ARHGAP15: variants seen among roughly 807,000 people sequenced by gnomAD.
ARHGAP15 encodes Rho GTPase activating protein 15.
In ARHGAP15, 51 loss-of-function variants were observed where a neutral mutation model predicts 63.7. That is an observed-to-expected ratio of 0.80 (90% CI 0.64 to 1.01). The LOEUF (loss-of-function observed/expected upper bound fraction) is 1.01. Among genes scored for constraint, ARHGAP15 ranks in the 50% least tolerant of loss-of-function variants. The pLI is 0.00. For missense variants in ARHGAP15, 560 were observed against 564.6 expected (o/e 0.99, Z 0.08); for synonymous variants, 191 against 193.8 (o/e 0.99, Z 0.12).
chr2:143,656,892 A>G (rs1358142629), intron 12 of ARHGAP15, among the ~76,000 whole-genome samples: 1 of 148,928 alleles, frequency 6.7e-6, no homozygotes, highest in Admixed American at 6.7e-5. Flanking sequence ...TCTGACTTCT[A>G]TTTTGGACAG....
intron 13 of ARHGAP15, among the ~76,000 whole-genome samples, chr2:143,743,883 G>GAA (rs563889837): frequency 7.1e-6 from 1 of 139,960 alleles, no homozygotes; most frequent in Non-Finnish European, 1.6e-5. Flanking sequence ...CCTTCCAGAA[G>GAA]AAAAAAAAAA....
At chr2:143,334,249 C>CT (rs951727454) in intron 6 of ARHGAP15, among the ~76,000 whole-genome samples, 8 of 151,846 alleles carry the variant, frequency 5.3e-5, no homozygotes, top group African/African-American at 9.7e-5. Context: ...AATAAGAGTA[C>CT]TTTTTTTTGT....
At chr2:143,369,796 G>A (rs557796835) in intron 6 of ARHGAP15, among the ~76,000 whole-genome samples, 1 of 152,086 alleles carries the variant, frequency 6.6e-6, no homozygotes, top group Non-Finnish European at 1.5e-5. Flanking sequence ...AGAGAACGCA[G>A]TATTCTTTTT....
intron 8 of ARHGAP15, among the ~76,000 whole-genome samples, chr2:143,476,355 C>T (rs1691815007): frequency 6.6e-6 from 1 of 152,170 alleles, no homozygotes; most frequent in Non-Finnish European, 1.5e-5. Context: ...TGTAAGAGTA[C>T]TGTTTCAGTA....
At chr2:143,392,026 CAAA>C (rs199742100) in intron 6 of ARHGAP15, among the ~76,000 whole-genome samples, 141 of 150,514 alleles carry the variant, frequency 9.4e-4, no homozygotes, top group African/African-American at 3.3e-3. Flanking sequence ...CTGGCTTTGA[CAAA>C]AAAAACAAAA....
chr2:143,289,337 T>C (rs920272320), intron 6 of ARHGAP15, among the ~76,000 whole-genome samples: 1 of 152,210 alleles, frequency 6.6e-6, no homozygotes, highest in African/African-American at 2.4e-5. Flanking sequence ...AACAGTGCTT[T>C]TACTGTTAGA....
chr2:143,188,273 A>T (rs901754949), intron 2 of ARHGAP15, among the ~76,000 whole-genome samples: 1 of 151,964 alleles, frequency 6.6e-6, no homozygotes, highest in African/African-American at 2.4e-5. Context: ...AATTTTTCCA[A>T]CTATGTCAAT....
At chr2:143,630,076 G>C (rs1699003590) in intron 12 of ARHGAP15, among the ~76,000 whole-genome samples, 1 of 151,964 alleles carries the variant, frequency 6.6e-6, no homozygotes, top group African/African-American at 2.4e-5. Flanking sequence ...AAGACTACAA[G>C]CATTTTTTCT....
intron 6 of ARHGAP15, among the ~76,000 whole-genome samples, chr2:143,307,906 T>C (rs1683250993): frequency 2.0e-5 from 3 of 152,202 alleles, no homozygotes; most frequent in Admixed American, 6.5e-5. Context: ...TGGATTCTTA[T>C]ATTTGTTGAA....
At chr2:143,316,661 T>C (rs148892464) in intron 6 of ARHGAP15, among the ~76,000 whole-genome samples, 3 of 151,090 alleles carry the variant, frequency 2.0e-5, no homozygotes, top group Admixed American at 2.0e-4. Context: ...TGAGTCAAAG[T>C]CCTAATTCTG....
chr2:143,276,742 T>C (rs934889131), intron 6 of ARHGAP15, among the ~76,000 whole-genome samples: 1 of 152,098 alleles, frequency 6.6e-6, no homozygotes, highest in African/African-American at 2.4e-5. Context: ...AAGGCTACAG[T>C]GAGCAGCAGT....
chr2:143,257,137 C>T (rs1230487178), intron 6 of ARHGAP15, among the ~76,000 whole-genome samples: 1 of 152,040 alleles, frequency 6.6e-6, no homozygotes, highest in Non-Finnish European at 1.5e-5. Context: ...TGGGTGATCC[C>T]GTGAAACTCA....
chr2:143,390,426 A>C (rs1037476810), intron 6 of ARHGAP15, among the ~76,000 whole-genome samples: 3 of 152,160 alleles, frequency 2.0e-5, no homozygotes, highest in Non-Finnish European at 4.4e-5. Context: ...CTGTGCTAAC[A>C]GGCCTCACGG....
intron 2 of ARHGAP15, among the ~76,000 whole-genome samples, chr2:143,163,940 C>T (rs774474860): frequency 6.6e-6 from 1 of 152,030 alleles, no homozygotes; most frequent in Non-Finnish European, 1.5e-5. Context: ...TGCAGGAGAC[C>T]TCTTGCATGG....
chr2:143,576,647 T>C (rs1696692393), intron 11 of ARHGAP15, among the ~76,000 whole-genome samples: 1 of 152,050 alleles, frequency 6.6e-6, no homozygotes, highest in Non-Finnish European at 1.5e-5. Context: ...TTTAATGGAA[T>C]ACAGCAAAGA....
At chr2:143,248,347 CAG>C (rs763222459) in intron 5 of ARHGAP15, among the ~76,000 whole-genome samples, 2 of 152,170 alleles carry the variant, frequency 1.3e-5, no homozygotes, top group Non-Finnish European at 2.9e-5. Context: ...TCACGTTTAA[CAG>C]AGAAGGACAA....
At chr2:143,273,575 T>C (rs1213307240) in intron 6 of ARHGAP15, among the ~76,000 whole-genome samples, 2 of 152,160 alleles carry the variant, frequency 1.3e-5, no homozygotes, top group Non-Finnish European at 2.9e-5. Context: ...CACTTACTAG[T>C]TGGATGAAAT....
At chr2:143,489,063 A>G (rs966718806) in intron 9 of ARHGAP15, among the ~76,000 whole-genome samples, 1 of 152,214 alleles carries the variant, frequency 6.6e-6, no homozygotes, top group Non-Finnish European at 1.5e-5. Context: ...GTTAACTGCC[A>G]TCTTGAAAAA....
chr2:143,210,041 A>G (rs1193606735), intron 3 of ARHGAP15, among the ~76,000 whole-genome samples: 1 of 152,214 alleles, frequency 6.6e-6, no homozygotes, highest in Non-Finnish European at 1.5e-5. Flanking sequence ...AAATTAAGTT[A>G]TAACGCAGAA....
Sources: gnomAD v4.1 joint callset for allele counts (sites outside exome capture counted in the v4.1 genomes callset) on GRCh38, gnomAD v4.1.1 for gene constraint, MANE v1.5 for transcripts, NCBI Gene and HGNC (gene_info 2026-07-23, HGNC 2026-07-21) for gene names.